The following FAT3 variants were observed in gnomAD, a reference collection of about 807,000 sequenced individuals.
FAT3 encodes the protein FAT atypical cadherin 3.
Under a neutral mutation model 310.2 loss-of-function variants are expected in FAT3, and 95 were observed. The ratio of observed to expected loss-of-function variants is 0.31; its 90% CI spans 0.26 to 0.36. The LOEUF (loss-of-function observed/expected upper bound fraction) is 0.36. Ranked by LOEUF, FAT3 falls within the 10% of genes least tolerant of loss-of-function variation. The pLI is 1.00. For missense variants in FAT3, 5,408 were observed against 5,715.6 expected (o/e 0.95, Z 1.74); for synonymous variants, 2,314 against 2,192.9 (o/e 1.06, Z -1.54).
chr11:92,402,421 T>C (rs1950036321), intron 2 of FAT3, among the ~76,000 whole-genome samples: 2 of 152,022 alleles, frequency 1.3e-5, no homozygotes, highest in African/African-American at 4.8e-5. Context: ...AGAAAATAAT[T>C]AGAGTAATAT....
At chr11:92,457,640 G>C (rs765298727) in intron 2 of FAT3, among the ~76,000 whole-genome samples, 29 of 152,332 alleles carry the variant, frequency 1.9e-4, no homozygotes, top group Non-Finnish European at 3.8e-4. Context: ...AACTGAAATA[G>C]GCTGGGTGCT....
chr11:92,761,728 G>A (rs929450413), intron 4 of FAT3, 128 bp from the exon 5 acceptor site: 4 of 845,874 alleles, frequency 4.7e-6, no homozygotes, highest in Middle Eastern at 3.2e-4. Flanking sequence ...AAAAAGAGAA[G>A]AAAATGAATA....
chr11:92,365,337 T>C (rs898292799), intron 2 of FAT3, among the ~76,000 whole-genome samples: 4 of 152,136 alleles, frequency 2.6e-5, no homozygotes, highest in African/African-American at 7.2e-5. Context: ...CTAAAAGATA[T>C]GGCAAATGGT....
At chr11:92,605,719 G>GTTT (rs5793613) in intron 3 of FAT3, among the ~76,000 whole-genome samples, 13,599 of 99,478 alleles carry the variant, frequency 0.14, 1,730 homozygotes, top group African/African-American at 0.3. Context: ...AAATAGCTAT[G>GTTT]TTTTTTTTTT....
At chr11:92,795,018 T>A (rs1322094843) in intron 9 of FAT3, among the ~76,000 whole-genome samples, 1 of 152,194 alleles carries the variant, frequency 6.6e-6, no homozygotes, top group African/African-American at 2.4e-5. Context: ...TTTCACTCTG[T>A]TTATTGGTGG....
chr11:92,293,512 T>TGA (rs1491357948), intron 1 of FAT3, among the ~76,000 whole-genome samples: 1 of 67,892 alleles, frequency 1.5e-5, no homozygotes. Context: ...GAACCTCAGA[T>TGA]TATATATATA....
Position 92,352,253 on chromosome 11 carries a change from T to G in FAT3, c.141T>G (p.Ile47Met). 1 of 1,410,192 alleles carries G rather than the reference T, an allele frequency of 7.1e-7. No homozygotes were observed. Among genetic ancestry groups the G allele is most frequent in the Non-Finnish European group, 9.5e-7 (1 of 1,050,384 alleles). 87.4% of individuals were successfully genotyped at this position (1,410,192 alleles called of 1,614,324 possible). A position where few individuals can be genotyped will look rare whatever the true frequency, so the allele number is the denominator to read the frequency against. ...GPLGFHFTHS[I>M]YNATVYENSA... The stretch of plus-strand genomic sequence containing the variant: ...TGGGCTTCCACTTCACACATTCCAT[T>G]TATAATGCTACCGTGTATGAGAACT... The change falls in exon 2 of 28, where the codon ATT (isoleucine) becomes ATG (methionine). Residue 47 changes from isoleucine to methionine, a missense_variant. By Grantham distance (10) the Ile-to-Met change is conservative. Coordinates refer to ENST00000525166, the MANE Select transcript of FAT3 (RefSeq NM_001367949.2).
chr11:92,814,283 G>C (rs1326501535), intron 13 of FAT3, among the ~76,000 whole-genome samples: 1 of 152,210 alleles, frequency 6.6e-6, no homozygotes. Flanking sequence ...TCTGAAATCT[G>C]ACTCTGTGAC....
intron 3 of FAT3, among the ~76,000 whole-genome samples, chr11:92,626,354 G>A (rs1372740089): frequency 6.6e-6 from 1 of 152,114 alleles, no homozygotes; most frequent in Non-Finnish European, 1.5e-5. Context: ...AACCACCTGG[G>A]ACTTTTTAGG....
intron 2 of FAT3, among the ~76,000 whole-genome samples, chr11:92,413,579 C>A (rs1202143215): frequency 6.6e-6 from 1 of 152,148 alleles, no homozygotes; most frequent in Non-Finnish European, 1.5e-5. Context: ...GTTTTGAGAG[C>A]TTCCTCTGTC....
intron 13 of FAT3, among the ~76,000 whole-genome samples, chr11:92,826,744 C>A (rs916868455): frequency 1.3e-5 from 2 of 152,196 alleles, no homozygotes; most frequent in African/African-American, 4.8e-5. Flanking sequence ...TTTGTAAAAA[C>A]CAGTTTACTG....
chr11:92,845,102 G>C (rs1173681760), intron 19 of FAT3, among the ~76,000 whole-genome samples: 1 of 152,208 alleles, frequency 6.6e-6, no homozygotes, highest in African/African-American at 2.4e-5. Context: ...GGGGCAGCTT[G>C]CATGAGGAAG....
chr11:92,349,292 C>A (rs901655781), intron 1 of FAT3, among the ~76,000 whole-genome samples: 18 of 152,188 alleles, frequency 1.2e-4, no homozygotes, highest in African/African-American at 4.1e-4. Context: ...GACTCGCTTA[C>A]TTTACCGTGT....
chr11:92,811,647 T>C (rs1377095257), intron 13 of FAT3, among the ~76,000 whole-genome samples: 2 of 152,150 alleles, frequency 1.3e-5, no homozygotes, highest in East Asian at 1.9e-4. Flanking sequence ...GCAGAGATGA[T>C]AAAGACTTTA....
At chr11:92,754,159 A>T (rs188521709) in intron 4 of FAT3, among the ~76,000 whole-genome samples, 1 of 152,224 alleles carries the variant, frequency 6.6e-6, no homozygotes, top group East Asian at 1.9e-4. Flanking sequence ...TATATTTAAA[A>T]AATAAAGACA....
intron 6 of FAT3, among the ~76,000 whole-genome samples, chr11:92,771,591 A>G (rs766577674): frequency 5.3e-5 from 8 of 152,104 alleles, no homozygotes; most frequent in Non-Finnish European, 1.0e-4. Flanking sequence ...CTATATTGGT[A>G]AGCTGAGAGA....
intron 3 of FAT3, among the ~76,000 whole-genome samples, chr11:92,574,867 G>A (rs1938387177): frequency 6.6e-6 from 1 of 152,126 alleles, no homozygotes; most frequent in African/African-American, 2.4e-5. Context: ...GGGTAGTGAT[G>A]CTCTCATTAT....
At chr11:92,313,916 A>G (rs960575875) in intron 1 of FAT3, among the ~76,000 whole-genome samples, 1 of 152,244 alleles carries the variant, frequency 6.6e-6, no homozygotes, top group Non-Finnish European at 1.5e-5. Flanking sequence ...TGCAGAGCAC[A>G]AAGAATTTCA....
intron 13 of FAT3, among the ~76,000 whole-genome samples, chr11:92,831,301 T>G (rs1039785178): frequency 6.6e-6 from 1 of 152,332 alleles, no homozygotes; most frequent in Non-Finnish European, 1.5e-5. Flanking sequence ...TATTTCTCTT[T>G]CTGTGCCACA....
Sources: allele counts gnomAD v4.1 joint callset (sites outside exome capture counted in the v4.1 genomes callset), GRCh38; gene constraint gnomAD v4.1.1; transcripts MANE v1.5; gene names NCBI Gene and HGNC (gene_info 2026-07-23, HGNC 2026-07-21).